The following WDR70 variants were observed in gnomAD, a reference collection of about 807,000 sequenced individuals.
WDR70 encodes WD repeat domain 70.
In WDR70, 53 loss-of-function variants were observed where a neutral mutation model predicts 88.6. The observed-to-expected ratio is 0.60, with a 90% CI of 0.48 to 0.75. The LOEUF is 0.75. Ranked by LOEUF, WDR70 falls within the 30% of genes least tolerant of loss-of-function variation. The pLI is 0.00. For synonymous variants in WDR70, 280 were observed against 270.0 expected, an observed-to-expected ratio of 1.04 and a Z score of -0.36; for missense variants, 610 against 823.2, an observed-to-expected ratio of 0.74 and a Z score of 3.17.
chr5:37,595,092 A>G (rs1743662138), intron 9 of WDR70, among the ~76,000 whole-genome samples: 1 of 152,130 alleles, frequency 6.6e-6, no homozygotes, highest in Non-Finnish European at 1.5e-5. Context: ...GCGAACAGGG[A>G]CAATTTGACT....
chr5:37,712,173 A>G (rs943040943), intron 13 of WDR70, among the ~76,000 whole-genome samples: 14 of 151,866 alleles, frequency 9.2e-5, no homozygotes, highest in Non-Finnish European at 2.1e-4. Context: ...TTGTAGTTTT[A>G]GTAGAGACGG....
At chr5:37,573,745 A>G (rs1742978648) in intron 9 of WDR70, among the ~76,000 whole-genome samples, 1 of 151,690 alleles carries the variant, frequency 6.6e-6, no homozygotes, top group Admixed American at 6.6e-5. Context: ...TCTGTCATTC[A>G]CCTCAGAGCC....
At position 37,721,204 on chromosome 5, in the gene WDR70, C is replaced by A; in HGVS notation, c.1506C>A (p.Asn502Lys). The change falls in exon 14 of 18, where the codon AAC becomes AAA. Residue 502 changes from asparagine (N) to lysine (K), a missense_variant. Transcript: ENST00000265107. ...NGLAKVYYDP[N>K]KSQRGAKLCV... ...TGGCTAAAGTCTATTACGACCCCAA[C>A]AAGAGTCAGAGGTATTTCATAAGTA... 6.2e-7 allele frequency: 1 copy of A among 1,613,562 alleles called. No individual in the cohort carries two copies. The highest frequency in any genetic ancestry group is 8.5e-7 in the Non-Finnish European group (1 of 1,179,654).
chr5:37,596,247 G>T (rs1743696798), intron 9 of WDR70, among the ~76,000 whole-genome samples: 4 of 152,260 alleles, frequency 2.6e-5, no homozygotes, highest in Admixed American at 2.6e-4. Flanking sequence ...GCACTTTGTA[G>T]CTCCGATATA....
At chr5:37,387,999 G>T (rs7714241) in intron 3 of WDR70, among the ~76,000 whole-genome samples, 19,405 of 151,968 alleles carry the variant, frequency 0.13, 4,080 homozygotes, top group African/African-American at 0.44. Flanking sequence ...GATGAATTAC[G>T]GTAAAACCCC....
intron 5 of WDR70, among the ~76,000 whole-genome samples, chr5:37,420,517 G>A (rs1402234184): frequency 6.6e-6 from 1 of 152,064 alleles, no homozygotes; most frequent in Non-Finnish European, 1.5e-5. Flanking sequence ...ATAACTCACT[G>A]CAACCTCGAA....
At chr5:37,691,084 G>A (rs572829260) in intron 10 of WDR70, among the ~76,000 whole-genome samples, 41 of 152,266 alleles carry the variant, frequency 2.7e-4, no homozygotes, top group African/African-American at 9.9e-4. Flanking sequence ...CCTAGTCTCC[G>A]ATAAAACAGA....
chr5:37,418,399 A>G (rs57946271), intron 5 of WDR70, among the ~76,000 whole-genome samples: 3,862 of 152,206 alleles, frequency 0.025, 151 homozygotes, highest in African/African-American at 0.088. Flanking sequence ...GGCTCACTGC[A>G]AGCTCCGCCT....
chr5:37,564,695 A>T (rs1742684820), intron 9 of WDR70, among the ~76,000 whole-genome samples: 1 of 152,124 alleles, frequency 6.6e-6, no homozygotes, highest in Non-Finnish European at 1.5e-5. Context: ...ATAGAAAAAA[A>T]TTTTTACTTC....
intron 17 of WDR70, among the ~76,000 whole-genome samples, chr5:37,752,061 G>A (rs1409598630): frequency 6.6e-6 from 1 of 152,124 alleles, no homozygotes; most frequent in African/African-American, 2.4e-5. Context: ...TTACACTACT[G>A]AAGCCTAGGG....
intron 5 of WDR70, among the ~76,000 whole-genome samples, chr5:37,419,896 CTTTA>C (rs1170551053): frequency 6.6e-6 from 1 of 152,136 alleles, no homozygotes; most frequent in Non-Finnish European, 1.5e-5. Flanking sequence ...TTTTGGGCTA[CTTTA>C]TTTATTGATT....
chr5:37,443,252 G>T lies in WDR70; in HGVS notation c.566G>T (p.Gly189Val). The change falls in exon 7 of 18, where the codon GGT becomes GTT. Residue 189 changes from glycine (G) to valine (V), a missense_variant. Physicochemically the swap from Gly to Val is moderately radical, Grantham distance 109. Around this residue, in one of 4 missense-constraint regions of WDR70, gnomAD observed 83 missense variants for 155.3 expected, o/e 0.53. Coordinates refer to ENST00000265107, the MANE Select transcript of WDR70 (RefSeq NM_018034.4). Reference protein sequence around the residue: ...KHGTKTVSALGLDPSGARLVT... With the variant: ...KHGTKTVSALVLDPSGARLVT... ...TTTTAAAACCAGGTGTCTGCTTTGG[G>T]TCTGGATCCCTCAGGTGCCCGTTTG... is the stretch of plus-strand genomic sequence containing the variant. 5 of 1,612,414 alleles carry T rather than the reference G, an allele frequency of 3.1e-6. No individual in the cohort carries two copies. Among genetic ancestry groups the T allele is most frequent in the Non-Finnish European group, 3.4e-6 (4 of 1,179,368 alleles).
chr5:37,518,665 T>C (rs772324907), intron 9 of WDR70, among the ~76,000 whole-genome samples: 4 of 150,886 alleles, frequency 2.7e-5, no homozygotes, highest in Non-Finnish European at 5.9e-5. Flanking sequence ...GCAACCAACG[T>C]GGGAGCACAG....
At chr5:37,643,333 AT>A (rs1457107547) in intron 10 of WDR70, among the ~76,000 whole-genome samples, 1 of 151,892 alleles carries the variant, frequency 6.6e-6, no homozygotes. Flanking sequence ...ATTCCACTTC[AT>A]TGGTCTATGT....
chr5:37,573,357 G>A (rs1181247554), intron 9 of WDR70, among the ~76,000 whole-genome samples: 7 of 151,968 alleles, frequency 4.6e-5, no homozygotes, highest in East Asian at 1.9e-4. Context: ...CTGTTCACCC[G>A]AATTCTCCCT....
intron 7 of WDR70, among the ~76,000 whole-genome samples, chr5:37,474,915 A>AT (rs1220402535): frequency 1.3e-5 from 2 of 151,706 alleles, no homozygotes; most frequent in Non-Finnish European, 2.9e-5. Context: ...TTATTTTATT[A>AT]TTTTTATTAT....
At chr5:37,527,430 AT>A (rs1342681198) in intron 9 of WDR70, among the ~76,000 whole-genome samples, 1 of 152,254 alleles carries the variant, frequency 6.6e-6, no homozygotes, top group Non-Finnish European at 1.5e-5. Flanking sequence ...GGCTAGCCAT[AT>A]GTAGAAAGCT....
chr5:37,602,424 T>C (rs891044924), intron 9 of WDR70, among the ~76,000 whole-genome samples: 1 of 151,044 alleles, frequency 6.6e-6, no homozygotes, highest in Admixed American at 6.6e-5. Flanking sequence ...GCCTGCAACA[T>C]GGTGAAACCC....
chr5:37,588,672 G>T (rs906483312), intron 9 of WDR70, among the ~76,000 whole-genome samples: 1 of 151,926 alleles, frequency 6.6e-6, no homozygotes, highest in East Asian at 1.9e-4. Flanking sequence ...GAACTCCTGG[G>T]CTCAAGTGAT....
Sources: gnomAD v4.1 joint callset for allele counts (sites outside exome capture counted in the v4.1 genomes callset) on GRCh38, gnomAD v4.1.1 for gene constraint, gnomAD v4.1.1 regional missense constraint, MANE v1.5 for transcripts, NCBI Gene and HGNC (gene_info 2026-07-23, HGNC 2026-07-21) for gene names.